PLEKHA5: variants seen among roughly 807,000 people sequenced by gnomAD.
PLEKHA5 encodes pleckstrin homology domain containing A5, also known as pleckstrin homology domain-containing family A member 5.
In PLEKHA5, 55 loss-of-function variants were observed where a neutral mutation model predicts 181.9. The observed-to-expected ratio is 0.30, with a 90% CI of 0.24 to 0.38. PLEKHA5 has a LOEUF of 0.38. Ranked by LOEUF, PLEKHA5 falls within the 10% of genes least tolerant of loss-of-function variation. The probability of loss-of-function intolerance (pLI) is 1.00; values close to 1 mark genes in which losing one functional copy is unlikely to be tolerated. For synonymous variants in PLEKHA5, 535 were observed against 529.4 expected, an observed-to-expected ratio of 1.01 and a Z score of -0.15; for missense variants, 1,432 against 1,549.5, an observed-to-expected ratio of 0.92 and a Z score of 1.27.
chr12:19,286,706 C>T (rs1251623625), intron 12 of PLEKHA5, among the ~76,000 whole-genome samples: 2 of 152,134 alleles, frequency 1.3e-5, no homozygotes, highest in Non-Finnish European at 2.9e-5. Context: ...TGGCTCAAGC[C>T]TGTAATCCTA....
chr12:19,291,422 T>C (rs2078413819), intron 14 of PLEKHA5, among the ~76,000 whole-genome samples: 1 of 152,236 alleles, frequency 6.6e-6, no homozygotes, highest in Admixed American at 6.5e-5. Flanking sequence ...TAGTTCATTG[T>C]TCATATGCAT....
intron 11 of PLEKHA5, among the ~76,000 whole-genome samples, chr12:19,277,670 T>C (rs760459874): frequency 6.6e-6 from 1 of 152,234 alleles, no homozygotes; most frequent in Non-Finnish European, 1.5e-5. Flanking sequence ...GTTGTAGTGT[T>C]TTATAATGAA....
chr12:19,209,590 A>T (rs1287898765), intron 3 of PLEKHA5, among the ~76,000 whole-genome samples: 1 of 152,218 alleles, frequency 6.6e-6, no homozygotes, highest in Non-Finnish European at 1.5e-5. Flanking sequence ...ATTTTAAACA[A>T]GTGGGATCAA....
intron 26 of PLEKHA5, among the ~76,000 whole-genome samples, chr12:19,354,865 A>G (rs1049487578): frequency 2.0e-5 from 3 of 152,182 alleles, no homozygotes; most frequent in African/African-American, 7.2e-5. Context: ...CAGCCTAGAC[A>G]TGGGGTCATA....
chr12:19,266,732 CA>C (rs1023904721), intron 8 of PLEKHA5, among the ~76,000 whole-genome samples: 2 of 152,006 alleles, frequency 1.3e-5, no homozygotes, highest in Non-Finnish European at 1.5e-5. Context: ...TGCAGTGAGC[CA>C]AGATTGCACC....
intron 2 of PLEKHA5, among the ~76,000 whole-genome samples, chr12:19,132,064 C>A (rs1286780234): frequency 6.6e-6 from 1 of 151,178 alleles, no homozygotes; most frequent in Non-Finnish European, 1.5e-5. Flanking sequence ...TTTTTTTTTG[C>A]TAGTCATTCA....
intron 3 of PLEKHA5, among the ~76,000 whole-genome samples, chr12:19,176,854 T>C (rs536792908): frequency 3.9e-5 from 6 of 152,188 alleles, no homozygotes; most frequent in African/African-American, 1.4e-4. Context: ...GCATATGCAT[T>C]ACCTCACATA....
In PLEKHA5 at chr12:19,269,753, G is replaced by A. The variant is rs144282313; in HGVS notation, c.712-17G>A. 87 of 1,235,222 alleles carry A rather than the reference G, an allele frequency of 7.0e-5. No homozygotes were observed. Among genetic ancestry groups the A allele is most frequent in the South Asian group, 2.7e-4 (21 of 77,236 alleles). 76.5% of individuals were successfully genotyped at this position (1,235,222 alleles called of 1,614,324 possible). On this transcript the variant is annotated splice_polypyrimidine_tract_variant and intron_variant, in intron 8 of 31. Coordinates refer to ENST00000429027, the MANE Select transcript of PLEKHA5 (RefSeq NM_001256470.2). ...TCCTATATTTTTATTTAAAATGATC[G>A]TGTCATTTTCAATCAGGCAGCCCAT...
intron 3 of PLEKHA5, among the ~76,000 whole-genome samples, chr12:19,180,125 G>A (rs907069890): frequency 2.0e-5 from 3 of 152,154 alleles, no homozygotes; most frequent in Non-Finnish European, 4.4e-5. Context: ...CAGTATGCTG[G>A]TGATTATTTT....
At chr12:19,298,408 CTT>C (rs533661916) in intron 15 of PLEKHA5, among the ~76,000 whole-genome samples, 31 of 106,296 alleles carry the variant, frequency 2.9e-4, no homozygotes, top group Admixed American at 4.8e-4. Flanking sequence ...ATTTTTTTAG[CTT>C]TTTTTTTTTT....
chr12:19,129,936 G>C, intron 1 of PLEKHA5, 48 bp downstream of exon 1: 1 of 1,538,220 alleles, frequency 6.5e-7, no homozygotes, highest in Non-Finnish European at 8.9e-7. Context: ...GGGAGGGCAG[G>C]AGGCGGGCGG....
chr12:19,189,314 G>A lies in PLEKHA5; in HGVS notation c.227+56864G>A, dbSNP rs116668217. The stretch of plus-strand genomic sequence containing the variant: ...AGGAGAATAGTTAAGAAGCTATTGC[G>A]TTTGTCTAAATGAAGAAAGATGGTA... On this transcript the variant is annotated intron_variant, in intron 3 of 31. Coordinates refer to ENST00000429027, the MANE Select transcript of PLEKHA5 (RefSeq NM_001256470.2). Among the ~76,000 whole-genome samples, 307 of 152,298 alleles carry A rather than the reference G, an allele frequency of 2.0e-3. 2 individuals are homozygous for A. The highest frequency in any genetic ancestry group is 6.5e-3 in the African/African-American group (272 of 41,560).
intron 3 of PLEKHA5, among the ~76,000 whole-genome samples, chr12:19,238,000 T>A (rs1026871454): frequency 1.3e-5 from 2 of 152,062 alleles, no homozygotes; most frequent in Admixed American, 1.3e-4. Flanking sequence ...TCTTACATTT[T>A]GCTATTTCTC....
chr12:19,176,503 T>C (rs2047275807), intron 3 of PLEKHA5: 1 of 152,108 alleles, frequency 6.6e-6, no homozygotes, highest in Non-Finnish European at 1.5e-5. Flanking sequence ...CATAGCATGC[T>C]GCAGCCCGGA....
At chr12:19,350,492 C>T (rs2094539771) in intron 25 of PLEKHA5, among the ~76,000 whole-genome samples, 1 of 152,146 alleles carries the variant, frequency 6.6e-6, no homozygotes, top group Non-Finnish European at 1.5e-5. Context: ...TGAGGCCAGG[C>T]TTGGTGGCTC....
intron 3 of PLEKHA5, among the ~76,000 whole-genome samples, chr12:19,155,141 A>T (rs1223032626): frequency 1.3e-5 from 2 of 152,206 alleles, no homozygotes; most frequent in African/African-American, 4.8e-5. Flanking sequence ...TTATTCAAAA[A>T]ACGTACATAG....
At chr12:19,184,560 C>T (rs1169834278) in intron 3 of PLEKHA5, among the ~76,000 whole-genome samples, 2 of 152,064 alleles carry the variant, frequency 1.3e-5, no homozygotes, top group African/African-American at 4.8e-5. Flanking sequence ...GAAAGCATAC[C>T]CCTGTCTTGT....
chr12:19,283,240 C>T, intron 11 of PLEKHA5, 40 bp from the exon 12 acceptor site: 1 of 1,228,744 alleles, frequency 8.1e-7, no homozygotes, highest in Non-Finnish European at 1.1e-6. Context: ...GGAAAATAAC[C>T]CTCCTTCATG....
In PLEKHA5 at chr12:19,183,794, C is replaced by T. The variant is rs372196243; in HGVS notation, c.227+51344C>T. Among the ~76,000 whole-genome samples the T allele has an allele frequency of 4.4e-4, 67 of 152,202 alleles. 1 individual carries two copies. The South Asian group carries it at 0.013, about 30-fold the overall frequency. Reference sequence around the variant, plus strand: ...AGTGGCGTGATCTTGGCTCACCGCACCCTCTGCCTGCCAGGTTCAAACGAT... The same window carrying T: ...AGTGGCGTGATCTTGGCTCACCGCATCCTCTGCCTGCCAGGTTCAAACGAT... On this transcript the variant is annotated intron_variant, in intron 3 of 31. Transcript: ENST00000429027.
Sources: gnomAD v4.1 joint callset for allele counts (sites outside exome capture counted in the v4.1 genomes callset) on GRCh38, gnomAD v4.1.1 for gene constraint, MANE v1.5 for transcripts, NCBI Gene and HGNC (gene_info 2026-07-23, HGNC 2026-07-21) for gene names.